Variants in GCSH observed in about 807,000 individuals in gnomAD.
GCSH encodes the protein glycine cleavage system protein H.
Under a neutral mutation model 21.3 loss-of-function variants are expected in GCSH, and 15 were observed. The ratio of observed to expected loss-of-function variants is 0.70; its 90% confidence interval spans 0.47 to 1.08. GCSH has a LOEUF of 1.08. Among genes scored for constraint, GCSH ranks in the 50% least tolerant of loss-of-function variants. The pLI is 0.00. For synonymous variants in GCSH, 59 were observed against 84.5 expected, an observed-to-expected ratio of 0.70 and a Z score of 1.66; for missense variants, 179 against 217.5, an observed-to-expected ratio of 0.82 and a Z score of 1.11.
intron 1 of GCSH, among the ~76,000 whole-genome samples, chr16:81,091,623 G>A (rs8177864): frequency 9.0e-4 from 137 of 152,176 alleles, no homozygotes; most frequent in Non-Finnish European, 1.4e-3. Flanking sequence ...ACAATGCAAC[G>A]TAAGTTCATA....
chr16:81,087,643 AAAC>A lies in GCSH; in HGVS notation c.247_249del (p.Val83del). 6.2e-7 allele frequency: 1 copy of A among 1,612,086 alleles called. No homozygotes were observed. Among genetic ancestry groups the A allele is most frequent in the South Asian group, 1.1e-5 (1 of 91,054 alleles). On this transcript the variant is annotated inframe_deletion, in exon 3 of 5. Transcript: ENST00000315467. ...GTCCCAACTTCAGGGAGACTACAAT[AAAC>A]AACATCTCCCAACGCTTCCTAAATA...
chr16:81,094,869 G>A lies in GCSH; in HGVS notation c.148+1262C>T, dbSNP rs149684932. Among the ~76,000 whole-genome samples the A allele has an allele frequency of 5.0e-3, 757 of 152,222 alleles. 8 individuals are homozygous for A. The highest frequency in any genetic ancestry group is 0.017 in the African/African-American group (718 of 41,550). On this transcript the variant is annotated intron_variant, in intron 1 of 4. Coordinates refer to ENST00000315467, the MANE Select transcript of GCSH (RefSeq NM_004483.5). ...CTCAGCACTTTGGGAGGCTGAGGCG[G>A]GTGGATCACTTGAGGTCAGGAGTTT...
chr16:81,083,144 A>G (rs1972202875), intron 4 of GCSH, 181 bp from the exon 5 acceptor site: 2 of 623,328 alleles, frequency 3.2e-6, no homozygotes, highest in African/African-American at 3.8e-5. Context: ...ATAACAAATG[A>G]AAATAATTAT....
chr16:81,083,021 C>A (rs1237215568), intron 4 of GCSH, 58 bp from the exon 5 acceptor site: 5 of 1,029,230 alleles, frequency 4.9e-6, no homozygotes, highest in African/African-American at 1.6e-5. Flanking sequence ...TCAAATTCAT[C>A]CAAAACGTAA....
At chr16:81,091,051 G>A in intron 1 of GCSH, 1 of 451,316 alleles carries the variant, frequency 2.2e-6, no homozygotes, top group South Asian at 1.7e-5. Context: ...GACAAATTTG[G>A]GGTGATGAGG....
chr16:81,091,922 G>A lies in GCSH; in HGVS notation c.149-1242C>T, dbSNP rs537847422. ...TGTGTGAGCCACCGTGCCTAGCCAAGTATATAATTCAATATTGCTTTCTTT... is the reference window on the plus strand; with the variant it reads ...TGTGTGAGCCACCGTGCCTAGCCAAATATATAATTCAATATTGCTTTCTTT... On this transcript the variant is annotated intron_variant, in intron 1 of 4. Transcript: ENST00000315467. Among the ~76,000 whole-genome samples the A allele has an allele frequency of 2.0e-3, 299 of 152,158 alleles. 5 individuals are homozygous for A. Among genetic ancestry groups the A allele is most frequent in the South Asian group, 2.1e-4 (1 of 4,826 alleles).
intron 1 of GCSH, among the ~76,000 whole-genome samples, chr16:81,094,022 C>T (rs899291273): frequency 7.2e-5 from 11 of 151,922 alleles, no homozygotes; most frequent in African/African-American, 2.7e-4. Flanking sequence ...CCTCATCCTC[C>T]CAAGGAGCTG....
intron 1 of GCSH, among the ~76,000 whole-genome samples, chr16:81,092,143 T>A (rs1186938059): frequency 6.6e-6 from 1 of 152,168 alleles, no homozygotes; most frequent in Non-Finnish European, 1.5e-5. Flanking sequence ...CCATCTTTAC[T>A]AACTACTTCC....
At chr16:81,089,224 G>C (rs8063323) in intron 2 of GCSH, among the ~76,000 whole-genome samples, 18,865 of 152,270 alleles carry the variant, frequency 0.12, 1,539 homozygotes, top group Middle Eastern at 0.19. Flanking sequence ...CTTGGGAGCA[G>C]AAGTGTTTTG....
At chr16:81,089,162 T>C (rs1972342948) in intron 2 of GCSH, among the ~76,000 whole-genome samples, 1 of 152,230 alleles carries the variant, frequency 6.6e-6, no homozygotes, top group Non-Finnish European at 1.5e-5. Flanking sequence ...ACCACATATA[T>C]GACAGTGGTC....
At chr16:81,093,740 C>T (rs113133290) in intron 1 of GCSH, among the ~76,000 whole-genome samples, 2 of 152,090 alleles carry the variant, frequency 1.3e-5, no homozygotes, top group African/African-American at 4.8e-5. Context: ...ACCCTGGAGG[C>T]TGAGGCAGGA....
At chr16:81,088,441 C>T (rs751620123) in intron 2 of GCSH, among the ~76,000 whole-genome samples, 5 of 152,058 alleles carry the variant, frequency 3.3e-5, no homozygotes, top group Non-Finnish European at 7.4e-5. Flanking sequence ...TCTTGTTGCC[C>T]AGGCTGGAGT....
At chr16:81,092,747 A>C (rs8177851) in intron 1 of GCSH, among the ~76,000 whole-genome samples, 10,669 of 146,438 alleles carry the variant, frequency 0.073, 369 homozygotes, top group African/African-American at 0.086. Flanking sequence ...AGTCTCAAAA[A>C]AAACAAACAA....
chr16:81,092,544 C>T (rs931253154), intron 1 of GCSH, among the ~76,000 whole-genome samples: 1 of 150,950 alleles, frequency 6.6e-6, no homozygotes, highest in Non-Finnish European at 1.5e-5. Flanking sequence ...GGTTTGAGAC[C>T]AGCCTGGCCA....
At chr16:81,088,640 A>C (rs1972332340) in intron 2 of GCSH, among the ~76,000 whole-genome samples, 1 of 152,090 alleles carries the variant, frequency 6.6e-6, no homozygotes, top group Non-Finnish European at 1.5e-5. Context: ...ACCTCAGATA[A>C]TCAACTTGCC....
intron 2 of GCSH, among the ~76,000 whole-genome samples, chr16:81,090,073 T>C (rs997314076): frequency 1.3e-4 from 20 of 151,982 alleles, no homozygotes; most frequent in Non-Finnish European, 4.4e-5. Flanking sequence ...CAACTCTGGT[T>C]GGTTTTCTTA....
chr16:81,093,252 C>T (rs767271093), intron 1 of GCSH, among the ~76,000 whole-genome samples: 4 of 152,034 alleles, frequency 2.6e-5, no homozygotes, highest in African/African-American at 4.8e-5. Flanking sequence ...TACAAATCGC[C>T]GGTTATATGC....
chr16:81,086,394 A>T (rs1793949532), intron 3 of GCSH, among the ~76,000 whole-genome samples: 2 of 152,026 alleles, frequency 1.3e-5, no homozygotes, highest in South Asian at 4.2e-4. Context: ...AAATAAATTA[A>T]TTAATTTAAA....
intron 3 of GCSH, among the ~76,000 whole-genome samples, chr16:81,085,543 G>T (rs1441789970): frequency 6.6e-6 from 1 of 152,166 alleles, no homozygotes; most frequent in Non-Finnish European, 1.5e-5. Context: ...GAATGTTCCA[G>T]TGACAGTGAA....
Sources: allele counts gnomAD v4.1 joint callset (sites outside exome capture counted in the v4.1 genomes callset), GRCh38; gene constraint gnomAD v4.1.1; transcripts MANE v1.5; gene names NCBI Gene and HGNC (gene_info 2026-07-23, HGNC 2026-07-21).